Variants in PREX2 observed in about 807,000 individuals in gnomAD.
PREX2 encodes the protein phosphatidylinositol 3,4,5-trisphosphate-dependent Rac exchanger 2 protein.
Under a neutral mutation model 203.2 loss-of-function variants are expected in PREX2, and 107 were observed. That is an observed-to-expected ratio of 0.53 (90% CI 0.45 to 0.62). The LOEUF (loss-of-function observed/expected upper bound fraction) is 0.62. PREX2 is among the 20% of genes least tolerant of loss of function. PREX2 has a pLI of 0.00. For synonymous variants in PREX2, 672 were observed against 663.6 expected (o/e 1.01, Z -0.19); for missense variants, 1,777 against 1,955.9 (o/e 0.91, Z 1.72).
rs368193064 is a variant in PREX2, at chr8:68,133,935, A to T, written c.3767-124A>T. On this transcript the variant is annotated intron_variant, in intron 31 of 39. Coordinates refer to ENST00000288368, the MANE Select transcript of PREX2 (RefSeq NM_024870.4). The stretch of plus-strand genomic sequence containing the variant: ...GTGGTCATTTATAGAGCTCAAATTC[A>T]CATTTTTCACATGCGTGAGTTTAGT... The T allele has an allele frequency of 2.4e-4, 176 of 732,880 alleles. No homozygotes were observed. The African/African-American group carries it at 2.8e-3, about 12-fold the overall frequency. 45.4% of individuals were successfully genotyped at this position (732,880 alleles called of 1,614,324 possible).
At position 68,030,590 on chromosome 8, in the gene PREX2, G is replaced by A. The variant is rs753863699; in HGVS notation, c.637G>A (p.Glu213Lys). 3.1e-6 allele frequency: 5 copies of A among 1,613,556 alleles called. No individual in the cohort carries two copies. In the African/African-American group the frequency reaches 4.0e-5, roughly 13 times the overall value. Residue 213 changes from glutamate to lysine, a missense_variant, in exon 6 of 40, where the codon GAG becomes AAG. Coordinates refer to ENST00000288368, the MANE Select transcript of PREX2 (RefSeq NM_024870.4). ...GAAAGCTGTCTGTTCCAACATAAACGAGGCCAAGAGACAGATGGAGAAGTT... is the reference window on the plus strand; with the variant it reads ...GAAAGCTGTCTGTTCCAACATAAACAAGGCCAAGAGACAGATGGAGAAGTT... ...AMKAVCSNIN[E>K]AKRQMEKLEV...
At chr8:68,161,235 C>T (rs1449072931) in intron 35 of PREX2, among the ~76,000 whole-genome samples, 1 of 152,018 alleles carries the variant, frequency 6.6e-6, no homozygotes, top group Non-Finnish European at 1.5e-5. Flanking sequence ...GCTGGGACTA[C>T]AGGCACTTGC....
intron 1 of PREX2, among the ~76,000 whole-genome samples, chr8:67,954,553 G>A (rs73254067): frequency 0.018 from 2,808 of 152,198 alleles, 79 homozygotes; most frequent in African/African-American, 0.064. Context: ...TCCTCTTCTA[G>A]GAACCTATCC....
At position 67,975,694 on chromosome 8, in the gene PREX2, C is replaced by CTTTTTTTTTTTTTTTTTTTTTTT. The variant is rs67614434; in HGVS notation, c.141+23164_141+23186dup. 2.7e-5 allele frequency among the ~76,000 whole-genome samples: 2 copies of CTTTTTTTTTTTTTTTTTTTTTTT among 74,990 alleles called. 1 individual carries two copies. Among genetic ancestry groups the CTTTTTTTTTTTTTTTTTTTTTTT allele is most frequent in the Non-Finnish European group, 4.6e-5 (2 of 43,230 alleles). 49.2% of individuals were successfully genotyped at this position (74,990 alleles called of 152,430 possible). A position where few individuals can be genotyped will look rare whatever the true frequency, so the allele number is the denominator to read the frequency against. ...TCAGGATAGTAACTGATTTCTCTTTCTTTTTTTTTTTTTTTTTTTTTTTTT... is the reference window on the plus strand; with the variant it reads ...TCAGGATAGTAACTGATTTCTCTTTCTTTTTTTTTTTTTTTTTTTTTTTTTTTTTTTTTTTTTTTTTTTTTTTT... On this transcript the variant is annotated intron_variant, in intron 1 of 39. Transcript: ENST00000288368.
intron 31 of PREX2, among the ~76,000 whole-genome samples, chr8:68,130,557 C>T (rs1475088631): frequency 6.6e-6 from 1 of 152,170 alleles, no homozygotes; most frequent in Non-Finnish European, 1.5e-5. Flanking sequence ...CACCACTTTA[C>T]TTTGTTAAGT....
chr8:67,952,581 G>GCGCGGGT, intron 1 of PREX2, 46 bp downstream of exon 1: 9 of 1,586,380 alleles, frequency 5.7e-6, no homozygotes, highest in Non-Finnish European at 7.7e-6. Context: ...GCGGCGCGGG[G>GCGCGGGT]CGCGGGTCCC....
At chr8:68,186,189 C>G (rs991861360) in intron 35 of PREX2, among the ~76,000 whole-genome samples, 2 of 152,050 alleles carry the variant, frequency 1.3e-5, no homozygotes, top group African/African-American at 4.8e-5. Flanking sequence ...AGTATAAATT[C>G]TTATTTTAAA....
intron 1 of PREX2, among the ~76,000 whole-genome samples, chr8:67,994,119 G>C (rs1806692272): frequency 1.3e-5 from 2 of 152,182 alleles, no homozygotes; most frequent in African/African-American, 2.4e-5. Context: ...CCTGTCTACT[G>C]TTATCTGGTC....
intron 37 of PREX2, among the ~76,000 whole-genome samples, chr8:68,202,736 C>CAG (rs993865548): frequency 6.6e-6 from 1 of 152,040 alleles, no homozygotes; most frequent in African/African-American, 2.4e-5. Context: ...ACTGATAGGA[C>CAG]AGAGAGAGAC....
chr8:68,006,518 G>A (rs1044212392), intron 1 of PREX2, among the ~76,000 whole-genome samples: 2 of 152,068 alleles, frequency 1.3e-5, no homozygotes, highest in African/African-American at 4.8e-5. Flanking sequence ...GTCACCTTTA[G>A]ACCAGTGATC....
intron 23 of PREX2, chr8:68,103,729 C>T (rs1020606328): frequency 3.5e-5 from 18 of 519,406 alleles, no homozygotes; most frequent in East Asian, 1.1e-4. Flanking sequence ...TGCAGTTGAC[C>T]GTAAACCTCT....
rs1374306475 is a variant in PREX2 at position 68,044,517 on chromosome 8, T to A, written c.870T>A (p.Asp290Glu). ...TGAAGAACAGCAAGGCATCTACAGA[T>A]GGACATCGGTACCTTTTTCGTGGCC... ...RRLKNSKAST[D>E]GHRYLFRGRI... The change falls in exon 8 of 40, where the codon GAT (aspartate) becomes GAA (glutamate). Residue 290 changes from aspartate (D) to glutamate (E), a missense_variant. Transcript: ENST00000288368. The A allele has an allele frequency of 6.2e-6, 10 of 1,612,932 alleles. No individual in the cohort carries two copies. The highest frequency in any genetic ancestry group is 8.5e-6 in the Non-Finnish European group (10 of 1,179,238).
At chr8:67,997,563 T>C (rs1806803070) in intron 1 of PREX2, among the ~76,000 whole-genome samples, 1 of 152,168 alleles carries the variant, frequency 6.6e-6, no homozygotes, top group African/African-American at 2.4e-5. Context: ...CTAACTTTCC[T>C]TTTTTTCCCC....
At chr8:68,158,026 T>C (rs2129613944) in intron 35 of PREX2, among the ~76,000 whole-genome samples, 1 of 151,330 alleles carries the variant, frequency 6.6e-6, no homozygotes, top group South Asian at 2.1e-4. Context: ...TTCAAAAGCT[T>C]TATTTGTCAA....
chr8:67,999,408 A>C (rs1806868326), intron 1 of PREX2, among the ~76,000 whole-genome samples: 1 of 145,780 alleles, frequency 6.9e-6, no homozygotes, highest in Non-Finnish European at 1.5e-5. Flanking sequence ...CTGAACCATG[A>C]AGAAATCGAT....
At chr8:67,955,401 T>C (rs1805473903) in intron 1 of PREX2, among the ~76,000 whole-genome samples, 1 of 152,206 alleles carries the variant, frequency 6.6e-6, no homozygotes, top group Admixed American at 6.5e-5. Context: ...CAAAGCTCTG[T>C]GTCTTCAGCT....
At chr8:68,120,552 A>G (rs1422650633) in intron 29 of PREX2, among the ~76,000 whole-genome samples, 1 of 152,190 alleles carries the variant, frequency 6.6e-6, no homozygotes, top group Non-Finnish European at 1.5e-5. Context: ...TTGAAGATAC[A>G]TAAACATGAA....
intron 1 of PREX2, among the ~76,000 whole-genome samples, chr8:68,003,864 T>G (rs1429174373): frequency 1.9e-4 from 16 of 85,748 alleles, no homozygotes; most frequent in Non-Finnish European, 2.8e-4. Context: ...TTTTTTTTTT[T>G]TTTGAGACAG....
intron 1 of PREX2, among the ~76,000 whole-genome samples, chr8:67,959,960 C>T (rs1805589153): frequency 6.6e-6 from 1 of 152,138 alleles, no homozygotes; most frequent in Admixed American, 6.5e-5. Context: ...CCTCACAGGG[C>T]TGGCCTGAAA....
Sources: gnomAD v4.1 joint callset for allele counts (sites outside exome capture counted in the v4.1 genomes callset) on GRCh38, gnomAD v4.1.1 for gene constraint, MANE v1.5 for transcripts, NCBI Gene and HGNC (gene_info 2026-07-23, HGNC 2026-07-21) for gene names.